Variants in CADPS2 observed in about 807,000 individuals in gnomAD.
The protein encoded by CADPS2 is calcium-dependent secretion activator 2.
In CADPS2, 93 loss-of-function variants were observed where a neutral mutation model predicts 172.5. The observed-to-expected ratio is 0.54, with a 90% CI of 0.46 to 0.64. CADPS2 has a LOEUF of 0.64. Among genes scored for constraint, CADPS2 ranks in the 30% least tolerant of loss-of-function variants. The pLI, the probability that CADPS2 is intolerant of heterozygous loss-of-function variation, is 0.00. For synonymous variants in CADPS2, 546 were observed against 555.2 expected, an observed-to-expected ratio of 0.98 and a Z score of 0.23; for missense variants, 1,420 against 1,565.9, an observed-to-expected ratio of 0.91 and a Z score of 1.57.
chr7:122,880,323 T>C (rs899842598), intron 1 of CADPS2, among the ~76,000 whole-genome samples: 1 of 152,228 alleles, frequency 6.6e-6, no homozygotes, highest in Non-Finnish European at 1.5e-5. Flanking sequence ...GTACTGTGAA[T>C]ATAATTTAAA....
chr7:122,822,470 C>T (rs1803611334), intron 1 of CADPS2, among the ~76,000 whole-genome samples: 4 of 151,682 alleles, frequency 2.6e-5, no homozygotes, highest in African/African-American at 9.7e-5. Context: ...TCTCTCCATA[C>T]CACCCCCCAA....
chr7:122,576,270 T>C (rs1402358913), intron 7 of CADPS2, among the ~76,000 whole-genome samples: 1 of 152,150 alleles, frequency 6.6e-6, no homozygotes, highest in Non-Finnish European at 1.5e-5. Flanking sequence ...CAAATCATAA[T>C]AGAGAGCATA....
At chr7:122,331,659 AAAAC>A (rs1186963968) in intron 28 of CADPS2, among the ~76,000 whole-genome samples, 4 of 151,870 alleles carry the variant, frequency 2.6e-5, no homozygotes, top group East Asian at 1.9e-4. Flanking sequence ...ACAAAACAAA[AAAAC>A]AAACAAATAA....
At chr7:122,471,963 T>C (rs1283347857) in intron 13 of CADPS2, among the ~76,000 whole-genome samples, 1 of 152,192 alleles carries the variant, frequency 6.6e-6, no homozygotes, top group Non-Finnish European at 1.5e-5. Flanking sequence ...TAAAGTGAAC[T>C]AAAAGAAAAT....
chr7:122,573,149 G>A (rs914856066), intron 7 of CADPS2, among the ~76,000 whole-genome samples: 3 of 152,106 alleles, frequency 2.0e-5, no homozygotes, highest in African/African-American at 7.2e-5. Context: ...AACTCTGTAT[G>A]CACATTAGCA....
At chr7:122,348,906 T>C (rs1187695189) in intron 27 of CADPS2, among the ~76,000 whole-genome samples, 2 of 152,166 alleles carry the variant, frequency 1.3e-5, no homozygotes, top group Admixed American at 6.5e-5. Flanking sequence ...TACAAATGTG[T>C]TTGGATAGAA....
At chr7:122,847,126 G>A (rs1490366262) in intron 1 of CADPS2, among the ~76,000 whole-genome samples, 1 of 151,352 alleles carries the variant, frequency 6.6e-6, no homozygotes, top group Non-Finnish European at 1.5e-5. Context: ...TTGCTGTGTT[G>A]TCCAGGCTGG....
chr7:122,325,417 A>ACT, intron 29 of CADPS2, 60 bp downstream of exon 29: 1 of 1,060,724 alleles, frequency 9.4e-7, no homozygotes, highest in Non-Finnish European at 1.4e-6. Context: ...GTATGTCAGT[A>ACT]TCTTGCCATT....
rs10260132 is a variant in CADPS2, at chr7:122,397,173, G to T, written c.2747-3591C>A. On this transcript the variant is annotated intron_variant, in intron 20 of 29. Coordinates refer to ENST00000449022, the MANE Select transcript of CADPS2 (RefSeq NM_017954.11). ...ATGTGGCAAAGAAAGGATTTTCTCT[G>T]GTCAGTTATGAATCTTGACAGCAAA... Among the ~76,000 whole-genome samples, 550 of 151,924 alleles carry T rather than the reference G, an allele frequency of 3.6e-3. 5 individuals are homozygous for T. The highest frequency in any genetic ancestry group is 0.013 in the African/African-American group (520 of 41,398).
intron 1 of CADPS2, among the ~76,000 whole-genome samples, chr7:122,860,563 T>C (rs969290303): frequency 2.0e-5 from 3 of 151,974 alleles, no homozygotes; most frequent in African/African-American, 4.8e-5. Context: ...ATAAAGGTAA[T>C]TGCAACATTT....
chr7:122,673,592 C>T (rs957777818), intron 2 of CADPS2, among the ~76,000 whole-genome samples: 1 of 152,006 alleles, frequency 6.6e-6, no homozygotes. Flanking sequence ...CATAAAAGTT[C>T]TCCAAGTCCC....
chr7:122,470,588 G>C (rs767470728), intron 14 of CADPS2, among the ~76,000 whole-genome samples: 1 of 151,894 alleles, frequency 6.6e-6, no homozygotes, highest in African/African-American at 2.4e-5. Context: ...TCTGCCTCCC[G>C]GGTTCAAGCG....
intron 17 of CADPS2, among the ~76,000 whole-genome samples, chr7:122,433,764 GAC>G (rs1373670864): frequency 6.6e-6 from 1 of 152,126 alleles, no homozygotes; most frequent in Non-Finnish European, 1.5e-5. Flanking sequence ...TAGAGTTGCC[GAC>G]CTGTACAGTT....
intron 7 of CADPS2, among the ~76,000 whole-genome samples, chr7:122,571,167 C>A (rs1289359180): frequency 6.6e-6 from 1 of 151,772 alleles, no homozygotes; most frequent in Non-Finnish European, 1.5e-5. Context: ...AAACAAGCAA[C>A]CCAGTTAAAA....
At chr7:122,421,403 G>A (rs2048513791) in intron 17 of CADPS2, among the ~76,000 whole-genome samples, 1 of 152,120 alleles carries the variant, frequency 6.6e-6, no homozygotes. Flanking sequence ...GAAGGACTAT[G>A]GAAATAATTC....
Position 122,886,427 on chromosome 7 carries a change from C to G in CADPS2, c.-90G>C, listed in dbSNP as rs1824402873. 8 of 1,402,794 alleles carry G rather than the reference C, an allele frequency of 5.7e-6. No individual in the cohort carries two copies. Among genetic ancestry groups the G allele is most frequent in the Non-Finnish European group, 7.3e-6 (8 of 1,090,620 alleles). 86.9% of individuals were successfully genotyped at this position (1,402,794 alleles called of 1,614,324 possible). On this transcript the variant is annotated 5_prime_UTR_variant, in exon 1 of 30. Transcript: ENST00000449022. Reference sequence around the variant, plus strand: ...CCGCGGGTCTGAGGGAGCCGCGGGGCTGGCTGCAGCGGCCGCAGAACGAAA... The same window carrying G: ...CCGCGGGTCTGAGGGAGCCGCGGGGGTGGCTGCAGCGGCCGCAGAACGAAA...
intron 1 of CADPS2, among the ~76,000 whole-genome samples, chr7:122,852,826 T>C (rs1285405614): frequency 6.6e-6 from 1 of 152,158 alleles, no homozygotes. Context: ...ATCCGACTTC[T>C]GTTATAACGG....
intron 12 of CADPS2, among the ~76,000 whole-genome samples, chr7:122,477,984 T>C (rs917751384): frequency 2.6e-5 from 4 of 152,172 alleles, no homozygotes; most frequent in South Asian, 2.1e-4. Flanking sequence ...TAATGTGAAA[T>C]AGAAAATCAG....
chr7:122,442,067 C>G (rs1418582832), intron 15 of CADPS2, among the ~76,000 whole-genome samples: 2 of 152,182 alleles, frequency 1.3e-5, no homozygotes, highest in African/African-American at 2.4e-5. Context: ...CCTCCCCATA[C>G]AATACACATA....
Sources: allele counts gnomAD v4.1 joint callset (sites outside exome capture counted in the v4.1 genomes callset), GRCh38; gene constraint gnomAD v4.1.1; transcripts MANE v1.5; gene names NCBI Gene and HGNC (gene_info 2026-07-23, HGNC 2026-07-21).